The following TRDN variants were observed in gnomAD, a reference collection of about 807,000 sequenced individuals.
TRDN encodes triadin.
TRDN carries 161 observed loss-of-function variants against 149.7 expected under a neutral mutation model. The ratio of observed to expected loss-of-function variants is 1.08; its 90% CI spans 0.95 to 1.23. TRDN has a LOEUF of 1.23. Ranked by LOEUF, TRDN falls within the 50% of genes most tolerant of loss-of-function variation. TRDN has a pLI of 0.00. For missense variants in TRDN, 896 were observed against 823.5 expected (o/e 1.09, Z -1.08); for synonymous variants, 294 against 250.5 (o/e 1.17, Z -1.64).
chr6:123,350,640 T>A, intron 21 of TRDN: 2 of 759,302 alleles, frequency 2.6e-6, no homozygotes, highest in Non-Finnish European at 3.2e-6. Flanking sequence ...TATCTATTTT[T>A]TGTATCAGTT....
At chr6:123,273,263 A>G (rs1215001957) in intron 28 of TRDN, 74 bp downstream of exon 28, 2 of 1,021,264 alleles carry the variant, frequency 2.0e-6, no homozygotes, top group South Asian at 1.8e-5. Flanking sequence ...CAGGTTGAAA[A>G]TACATGATTT....
intron 1 of TRDN, among the ~76,000 whole-genome samples, chr6:123,574,848 T>TTATATA (rs1270587188): frequency 4.9e-4 from 50 of 102,524 alleles, no homozygotes; most frequent in African/African-American, 1.5e-3. Flanking sequence ...GAACATGAAT[T>TTATATA]TATATATACA....
intron 2 of TRDN, among the ~76,000 whole-genome samples, chr6:123,549,275 T>C (rs1781269707): frequency 6.6e-6 from 1 of 152,028 alleles, no homozygotes; most frequent in African/African-American, 2.4e-5. Context: ...AAATGTTTGC[T>C]AAATGAAAGA....
intron 12 of TRDN, among the ~76,000 whole-genome samples, chr6:123,427,271 A>T (rs1274761803): frequency 6.7e-6 from 1 of 149,612 alleles, no homozygotes; most frequent in Non-Finnish European, 1.5e-5. Flanking sequence ...ACTCTTGACC[A>T]CGCCTTTTGT....
chr6:123,245,669 A>G (rs2114554774), intron 38 of TRDN, among the ~76,000 whole-genome samples: 1 of 152,288 alleles, frequency 6.6e-6, no homozygotes, highest in South Asian at 2.1e-4. Flanking sequence ...CACTTTCAAT[A>G]CTAGACAGAA....
At chr6:123,608,879 A>G (rs932987853) in intron 1 of TRDN, among the ~76,000 whole-genome samples, 2 of 152,232 alleles carry the variant, frequency 1.3e-5, no homozygotes, top group South Asian at 2.1e-4. Context: ...TCATGAAAAA[A>G]AAATGGAAGC....
intron 20 of TRDN, among the ~76,000 whole-genome samples, chr6:123,362,347 G>C (rs771503162): frequency 6.6e-6 from 1 of 152,172 alleles, no homozygotes; most frequent in Non-Finnish European, 1.5e-5. Flanking sequence ...GCATATGTTT[G>C]AGTGTTATTT....
At position 123,265,612 on chromosome 6, in the gene TRDN, T is replaced by C. The variant is rs1448149518; in HGVS notation, c.1784-274A>G. Among the ~76,000 whole-genome samples the C allele has an allele frequency of 3.3e-5, 5 of 149,602 alleles. No individual in the cohort carries two copies. The East Asian group carries it at 1.0e-3, about 30-fold the overall frequency. On this transcript the variant is annotated intron_variant, in intron 32 of 40. Coordinates refer to ENST00000334268, the MANE Select transcript of TRDN (RefSeq NM_006073.4). ...CATATTTGATTTGATACAATATTAA[T>C]CAATGCTCACAAAAATCTGAACTTC...
intron 38 of TRDN, among the ~76,000 whole-genome samples, chr6:123,248,248 C>T (rs192805424): frequency 2.0e-5 from 3 of 152,208 alleles, no homozygotes; most frequent in Admixed American, 6.5e-5. Context: ...GACAGTATAA[C>T]AGATACCACA....
intron 2 of TRDN, among the ~76,000 whole-genome samples, chr6:123,562,842 G>T (rs1324287240): frequency 6.6e-6 from 1 of 152,122 alleles, no homozygotes; most frequent in Non-Finnish European, 1.5e-5. Context: ...AAGCACTTTT[G>T]GTGAGCTAAT....
At position 123,252,361 on chromosome 6, in the gene TRDN, A is replaced by C. The variant is rs1047009372; in HGVS notation, c.1975+51T>G. 2.6e-5 allele frequency: 30 copies of C among 1,138,158 alleles called. 1 individual carries two copies. The highest frequency in any genetic ancestry group is 3.6e-5 in the Non-Finnish European group (29 of 798,590). The allele number at this position is 1,138,158 out of a possible 1,614,324, so 70.5% of individuals were successfully genotyped here. On this transcript the variant is annotated intron_variant, in intron 38 of 40. Transcript: ENST00000334268. Reference sequence around the variant, plus strand: ...AATATTTTATGAATTTCATCTTAAAATTGATACTATGTATCAAAGAGAACT... The same window carrying C: ...AATATTTTATGAATTTCATCTTAAACTTGATACTATGTATCAAAGAGAACT...
At chr6:123,279,727 A>G (rs1431288) in intron 24 of TRDN, among the ~76,000 whole-genome samples, 27,567 of 151,878 alleles carry the variant, frequency 0.18, 3,154 homozygotes, top group East Asian at 0.54. Context: ...TCCAAGACTA[A>G]TGAACATATT....
intron 12 of TRDN, among the ~76,000 whole-genome samples, chr6:123,412,448 A>G (rs987559555): frequency 6.6e-6 from 1 of 152,228 alleles, no homozygotes; most frequent in Non-Finnish European, 1.5e-5. Flanking sequence ...TGGCTGCCAC[A>G]TGCAACAGTA....
intron 1 of TRDN, among the ~76,000 whole-genome samples, chr6:123,586,788 G>C (rs560757024): frequency 1.6e-4 from 24 of 152,098 alleles, no homozygotes; most frequent in South Asian, 8.3e-4. Context: ...AGAGAAAAGA[G>C]AGAGTAGAGA....
At chr6:123,292,346 G>A (rs1778039033) in intron 24 of TRDN, among the ~76,000 whole-genome samples, 1 of 152,084 alleles carries the variant, frequency 6.6e-6, no homozygotes, top group African/African-American at 2.4e-5. Context: ...ATTGGCCCTT[G>A]AACCCCTTTT....
At chr6:123,413,485 G>A (rs960447063) in intron 12 of TRDN, among the ~76,000 whole-genome samples, 1 of 152,086 alleles carries the variant, frequency 6.6e-6, no homozygotes, top group Non-Finnish European at 1.5e-5. Flanking sequence ...GTGTAGAATT[G>A]ACCATTACTC....
intron 38 of TRDN, among the ~76,000 whole-genome samples, chr6:123,226,631 C>T (rs57469693): frequency 0.027 from 4,085 of 151,882 alleles, 167 homozygotes; most frequent in African/African-American, 0.093. Context: ...AAACCTAGGA[C>T]AGTTGCTATA....
chr6:123,455,946 C>T (rs996525122), intron 10 of TRDN, among the ~76,000 whole-genome samples: 9 of 152,040 alleles, frequency 5.9e-5, no homozygotes, highest in Non-Finnish European at 1.3e-4. Context: ...TGCCTAGAAA[C>T]GTTAGAAAAT....
intron 39 of TRDN, 103 bp from the exon 40 acceptor site, chr6:123,221,625 A>T (rs1775150864): frequency 3.1e-6 from 2 of 648,878 alleles, no homozygotes. Flanking sequence ...ACTATGAAAG[A>T]AACAGGAGTT....
Sources: gnomAD v4.1 joint callset for allele counts (sites outside exome capture counted in the v4.1 genomes callset) on GRCh38, gnomAD v4.1.1 for gene constraint, MANE v1.5 for transcripts, NCBI Gene and HGNC (gene_info 2026-07-23, HGNC 2026-07-21) for gene names.